FGF14: variants seen among roughly 807,000 people sequenced by gnomAD.
The protein encoded by FGF14 is fibroblast growth factor 14, also known as fibroblast growth factor homologous factor 4.
Under a neutral mutation model 25.5 loss-of-function variants are expected in FGF14, and 5 were observed. The ratio of observed to expected loss-of-function variants is 0.20; its 90% CI spans 0.10 to 0.41. FGF14 has a LOEUF of 0.41. Ranked by LOEUF, FGF14 falls within the 10% of genes least tolerant of loss-of-function variation. The pLI, the probability that FGF14 is intolerant of heterozygous loss-of-function variation, is 1.00. For missense variants in FGF14, 222 were observed against 320.1 expected (o/e 0.69, Z 2.34); for synonymous variants, 138 against 118.3 (o/e 1.17, Z -1.08).
chr13:101,888,532 T>C (rs879754044), intron 1 of FGF14, among the ~76,000 whole-genome samples: 2 of 152,182 alleles, frequency 1.3e-5, no homozygotes, highest in Non-Finnish European at 2.9e-5. Flanking sequence ...TAATTCAATA[T>C]GATTCCTACT....
At chr13:101,799,089 C>A (rs554725719) in intron 3 of FGF14, among the ~76,000 whole-genome samples, 2 of 152,056 alleles carry the variant, frequency 1.3e-5, no homozygotes, top group African/African-American at 4.8e-5. Context: ...TGACTTCCAG[C>A]GAATTTTTTA....
chr13:101,808,332 C>T lies in FGF14; in HGVS notation c.408+60393G>A, dbSNP rs374789424. Among the ~76,000 whole-genome samples, 36 of 152,000 alleles carry T rather than the reference C, an allele frequency of 2.4e-4. No homozygotes were observed. The Middle Eastern group carries it at 0.01, about 43-fold the overall frequency. ...TTTTCATCTTTTCTTTTCTTTCTCC[C>T]ATCTTCTTTCTGTGCTTCTTTACCT... On this transcript the variant is annotated intron_variant, in intron 3 of 4. Coordinates refer to ENST00000376143, the MANE Select transcript of FGF14 (RefSeq NM_004115.4).
intron 1 of FGF14, among the ~76,000 whole-genome samples, chr13:102,137,506 C>A (rs1332463728): frequency 6.6e-6 from 1 of 152,100 alleles, no homozygotes; most frequent in Non-Finnish European, 1.5e-5. Flanking sequence ...AATTTTTAAA[C>A]TTAGATGAGG....
In FGF14 at chr13:102,161,570, A is replaced by AAGAAGAAGAAAGAAGAAGAAG; in HGVS notation, c.208+239900_208+239901insCTTCTTCTTCTTTCTTCTTCT. ...TCTATGCAACCAACTTTCTGTGAAG[A>AAGAAGAAGAAAGAAGAAGAAG]AAGAAAGAAGAAGAAGAAGAAGAAG... is the stretch of plus-strand genomic sequence containing the variant. On this transcript the variant is annotated intron_variant, in intron 1 of 4. Coordinates refer to the FGF14 transcript ENST00000376131. Among the ~76,000 whole-genome samples, 10 of 5,654 alleles carry AAGAAGAAGAAAGAAGAAGAAG rather than the reference A, an allele frequency of 1.8e-3. 1 individual carries two copies. Among genetic ancestry groups the AAGAAGAAGAAAGAAGAAGAAG allele is most frequent in the South Asian group, 7.8e-3 (1 of 128 alleles). 3.7% of individuals were successfully genotyped at this position (5,654 alleles called of 152,430 possible).
chr13:102,019,214 A>G (rs1468991175), intron 1 of FGF14, among the ~76,000 whole-genome samples: 1 of 152,088 alleles, frequency 6.6e-6, no homozygotes, highest in East Asian at 1.9e-4. Context: ...AGTGAATTGG[A>G]GTCCACCTAA....
intron 1 of FGF14, among the ~76,000 whole-genome samples, chr13:101,964,336 C>T (rs1447187020): frequency 6.6e-6 from 1 of 151,978 alleles, no homozygotes; most frequent in Non-Finnish European, 1.5e-5. Flanking sequence ...ATGTGTATCC[C>T]CACAACTGGA....
intron 1 of FGF14, among the ~76,000 whole-genome samples, chr13:102,001,830 A>C (rs2039512785): frequency 6.6e-6 from 1 of 152,176 alleles, no homozygotes. Context: ...AAACCAGAGA[A>C]AGAGAAGAGC....
chr13:102,005,947 G>T (rs1220757999), intron 1 of FGF14, among the ~76,000 whole-genome samples: 1 of 152,052 alleles, frequency 6.6e-6, no homozygotes, highest in Admixed American at 6.5e-5. Flanking sequence ...ATTATGTAGG[G>T]TGTTTGTATT....
chr13:101,853,692 G>A (rs9518583), intron 3 of FGF14, among the ~76,000 whole-genome samples: 39,581 of 151,658 alleles, frequency 0.26, 6,471 homozygotes, highest in South Asian at 0.38. Context: ...CTATCCTCAA[G>A]TGATCCTCCT....
chr13:101,873,801 G>T (rs1054571051), intron 2 of FGF14, among the ~76,000 whole-genome samples: 3 of 151,944 alleles, frequency 2.0e-5, no homozygotes, highest in African/African-American at 7.2e-5. Flanking sequence ...GGCATAAAAC[G>T]CCTCCTCTTT....
chr13:102,307,529 C>T (rs993764167), intron 1 of FGF14, among the ~76,000 whole-genome samples: 1 of 152,024 alleles, frequency 6.6e-6, no homozygotes, highest in African/African-American at 2.4e-5. Context: ...AATGTTGGTA[C>T]CACTTATTTT....
chr13:102,034,868 A>C (rs2041392937), intron 1 of FGF14, among the ~76,000 whole-genome samples: 1 of 152,076 alleles, frequency 6.6e-6, no homozygotes. Flanking sequence ...ACAGAGTCTC[A>C]CTTTGTTCTT....
intron 1 of FGF14, among the ~76,000 whole-genome samples, chr13:102,365,219 T>C (rs2057675804): frequency 6.6e-6 from 1 of 152,016 alleles, no homozygotes; most frequent in South Asian, 2.1e-4. Context: ...GTCTGGGTCC[T>C]CTAATCGGGA....
chr13:102,255,490 T>C, intron 1 of FGF14, among the ~76,000 whole-genome samples: 1 of 152,088 alleles, frequency 6.6e-6, no homozygotes, highest in Non-Finnish European at 1.5e-5. Context: ...TAAATAAGAT[T>C]TATAAATCAG....
chr13:102,222,906 C>T (rs1252660682), intron 1 of FGF14, among the ~76,000 whole-genome samples: 2 of 152,130 alleles, frequency 1.3e-5, no homozygotes, highest in African/African-American at 2.4e-5. Context: ...CCTCCATTAA[C>T]GCAGCCCAAG....
chr13:101,959,979 A>C (rs918015041), intron 1 of FGF14, among the ~76,000 whole-genome samples: 2 of 152,238 alleles, frequency 1.3e-5, no homozygotes, highest in African/African-American at 4.8e-5. Context: ...TAATTTAATA[A>C]TCTCAGCTTA....
chr13:102,288,827 C>T (rs746376539), intron 1 of FGF14, among the ~76,000 whole-genome samples: 1 of 152,112 alleles, frequency 6.6e-6, no homozygotes, highest in Non-Finnish European at 1.5e-5. Context: ...TCAAGTGATC[C>T]GCCTGCCTTG....
Position 101,710,898 on chromosome 13 carries a change from G to T in FGF14, c.*11933C>A, listed in dbSNP as rs1178335203. Reference sequence around the variant, plus strand: ...AATTTAAAACAAGATACATTCTTGTGACCTTCATAACAGATGGAGTAGTTA... The same window carrying T: ...AATTTAAAACAAGATACATTCTTGTTACCTTCATAACAGATGGAGTAGTTA... On this transcript the variant is annotated 3_prime_UTR_variant, in exon 5 of 5. Transcript: ENST00000376143. 6.6e-6 allele frequency: 1 copy of T among 152,158 alleles called. No homozygotes were observed. Among genetic ancestry groups the T allele is most frequent in the Non-Finnish European group, 1.5e-5 (1 of 68,024 alleles). The allele number at this position is 152,158 out of a possible 1,614,324, so 9.4% of individuals were successfully genotyped here. A position where few individuals can be genotyped will look rare whatever the true frequency, so the allele number is the denominator to read the frequency against.
chr13:101,825,992 T>C (rs188491223), intron 3 of FGF14, among the ~76,000 whole-genome samples: 33 of 152,194 alleles, frequency 2.2e-4, no homozygotes, highest in African/African-American at 7.7e-4. Context: ...TGTTATGCAA[T>C]GTTTTTATCA....
Sources: gnomAD v4.1 joint callset for allele counts (sites outside exome capture counted in the v4.1 genomes callset) on GRCh38, gnomAD v4.1.1 for gene constraint, MANE v1.5 for transcripts, NCBI Gene and HGNC (gene_info 2026-07-23, HGNC 2026-07-21) for gene names.